Variants in WFDC11 observed in about 807,000 individuals in gnomAD.
WFDC11 encodes the protein protein WFDC11.
A neutral mutation model predicts 9.9 loss-of-function variants in WFDC11; 9 were observed. That is an observed-to-expected ratio of 0.91 (90% confidence interval 0.55 to 1.58). The LOEUF (loss-of-function observed/expected upper bound fraction) is 1.58, where lower values mean the gene tolerates loss of function less well. Among genes scored for constraint, WFDC11 ranks in the 40% most tolerant of loss-of-function variants. The pLI is 0.00. For synonymous variants in WFDC11, 32 were observed against 33.3 expected (o/e 0.96, Z 0.13); for missense variants, 106 against 101.7 (o/e 1.04, Z -0.18).
chr20:45,661,983 C>G (rs533968424), intron 2 of WFDC11, among the ~76,000 whole-genome samples: 1 of 152,242 alleles, frequency 6.6e-6, no homozygotes, highest in East Asian at 1.9e-4. Context: ...ATGTGGATGG[C>G]ATTGAATCTA....
intron 2 of WFDC11, 50 bp from the exon 3 acceptor site, chr20:45,650,701 A>C: frequency 2.0e-6 from 2 of 997,942 alleles, no homozygotes; most frequent in Non-Finnish European, 3.1e-6. Flanking sequence ...AAGCAAGAGA[A>C]AGTGCTTGTC....
Position 45,649,129 on chromosome 20 carries a change from C to T in WFDC11, c.243+128G>A, listed in dbSNP as rs1370191059. ...TGAATTGCTTTCCAAGTTAAAGGGA[C>T]ATTGTCTTCTGTTATTTTTGTACCT... On this transcript the variant is annotated intron_variant, in intron 4 of 4. Coordinates refer to ENST00000324384, the MANE Select transcript of WFDC11 (RefSeq NM_147197.2). The T allele has an allele frequency of 1.1e-5, 12 of 1,133,100 alleles. No individual in the cohort carries two copies. The South Asian group carries it at 1.8e-4, about 17-fold the overall frequency. 70.2% of individuals were successfully genotyped at this position (1,133,100 alleles called of 1,614,324 possible). A position where few individuals can be genotyped will look rare whatever the true frequency, so the allele number is the denominator to read the frequency against.
intron 2 of WFDC11, among the ~76,000 whole-genome samples, chr20:45,665,978 G>T (rs1340736349): frequency 2.0e-5 from 3 of 152,240 alleles, no homozygotes; most frequent in Admixed American, 2.0e-4. Context: ...GGACGTTTAG[G>T]TCTGCAGGAG....
intron 2 of WFDC11, among the ~76,000 whole-genome samples, chr20:45,654,354 G>A (rs1431925469): frequency 6.6e-6 from 1 of 152,122 alleles, no homozygotes. Context: ...CAAAATGAAG[G>A]CAGAAATAAA....
intron 2 of WFDC11, among the ~76,000 whole-genome samples, chr20:45,656,233 CAG>C (rs927922154): frequency 3.4e-5 from 5 of 145,328 alleles, no homozygotes; most frequent in Non-Finnish European, 7.6e-5. Flanking sequence ...TAAAAAAAAA[CAG>C]AGATATAGAC....
chr20:45,664,396 T>C (rs374306143), intron 2 of WFDC11, among the ~76,000 whole-genome samples: 2 of 152,366 alleles, frequency 1.3e-5, no homozygotes. Context: ...CTGCATCTTT[T>C]AATTGGGGCA....
At chr20:45,649,701 G>A (rs988428001) in intron 3 of WFDC11, among the ~76,000 whole-genome samples, 3 of 152,082 alleles carry the variant, frequency 2.0e-5, no homozygotes, top group Non-Finnish European at 2.9e-5. Context: ...CAGTCAACCC[G>A]GAGCATTCAT....
chr20:45,654,451 T>C (rs1354526392), intron 2 of WFDC11, among the ~76,000 whole-genome samples: 1 of 152,200 alleles, frequency 6.6e-6, no homozygotes, highest in African/African-American at 2.4e-5. Flanking sequence ...GGGAAATTTA[T>C]GACACTAAAT....
intron 2 of WFDC11, among the ~76,000 whole-genome samples, chr20:45,652,965 C>A (rs1982844517): frequency 6.6e-6 from 1 of 152,152 alleles, no homozygotes. Context: ...ATTGGTGTAC[C>A]TGAAAGTGAC....
chr20:45,663,495 T>G (rs1983119390), intron 2 of WFDC11, among the ~76,000 whole-genome samples: 1 of 152,210 alleles, frequency 6.6e-6, no homozygotes, highest in Admixed American at 6.5e-5. Flanking sequence ...CTCTTGCTTC[T>G]CTAGTTACTT....
At chr20:45,656,242 A>G (rs1194602043) in intron 2 of WFDC11, among the ~76,000 whole-genome samples, 2 of 152,208 alleles carry the variant, frequency 1.3e-5, no homozygotes, top group African/African-American at 2.4e-5. Flanking sequence ...ACAGAGATAT[A>G]GACGAATGGA....
chr20:45,648,655 A>G lies in WFDC11; in HGVS notation c.*64T>C. On this transcript the variant is annotated 3_prime_UTR_variant, in exon 5 of 5. Transcript: ENST00000324384. The stretch of plus-strand genomic sequence containing the variant: ...TTCCTAAAAGTAGCCACAGGGTACT[A>G]CTATGAGACCTCTTAAACATTTCCC... The G allele has an allele frequency of 1.3e-6, 2 of 1,580,480 alleles. No homozygotes were observed. The highest frequency in any genetic ancestry group is 1.7e-6 in the Non-Finnish European group (2 of 1,150,360).
chr20:45,649,887 C>G (rs931923764), intron 3 of WFDC11, among the ~76,000 whole-genome samples: 15 of 152,028 alleles, frequency 9.9e-5, no homozygotes, highest in African/African-American at 3.6e-4. Flanking sequence ...ATAACTCAGC[C>G]TCTCTTCAAA....
chr20:45,663,746 T>C (rs559831981), intron 2 of WFDC11, among the ~76,000 whole-genome samples: 1 of 152,316 alleles, frequency 6.6e-6, no homozygotes, highest in Non-Finnish European at 1.5e-5. Flanking sequence ...TTTGAGTGAG[T>C]TTCTTAATCT....
chr20:45,658,058 CAT>C (rs1208247004), intron 2 of WFDC11, among the ~76,000 whole-genome samples: 3 of 151,980 alleles, frequency 2.0e-5, no homozygotes, highest in Admixed American at 1.3e-4. Flanking sequence ...ATATAACTGA[CAT>C]ATAAAAAACT....
intron 2 of WFDC11, among the ~76,000 whole-genome samples, chr20:45,651,147 A>G (rs1430957334): frequency 1.3e-5 from 2 of 152,186 alleles, no homozygotes; most frequent in Non-Finnish European, 2.9e-5. Flanking sequence ...GCTCCCACTT[A>G]TAAGTGAGAA....
Position 45,648,590 on chromosome 20 carries a change from T to C in WFDC11, c.*129A>G, listed in dbSNP as rs1056967426. 7.9e-5 allele frequency: 76 copies of C among 960,210 alleles called. No homozygotes were observed. Among genetic ancestry groups the C allele is most frequent in the Non-Finnish European group, 1.2e-4 (73 of 631,590 alleles). The allele number at this position is 960,210 out of a possible 1,614,324, so 59.5% of individuals were successfully genotyped here. A position where few individuals can be genotyped will look rare whatever the true frequency, so the allele number is the denominator to read the frequency against. On this transcript the variant is annotated 3_prime_UTR_variant, in exon 5 of 5. Transcript: ENST00000324384. The stretch of plus-strand genomic sequence containing the variant: ...CTGGTAAATAAGTTTATTTGTCAAG[T>C]GTTTGCTGTTGTCCAGCTCTCAGTA...
chr20:45,651,930 G>C (rs1166098403), intron 2 of WFDC11, among the ~76,000 whole-genome samples: 1 of 152,190 alleles, frequency 6.6e-6, no homozygotes, highest in Non-Finnish European at 1.5e-5. Context: ...GGTAAACAAA[G>C]CAGCCAGGAA....
chr20:45,660,432 T>A (rs1432189290), intron 2 of WFDC11, among the ~76,000 whole-genome samples: 1 of 152,186 alleles, frequency 6.6e-6, no homozygotes, highest in Non-Finnish European at 1.5e-5. Context: ...ATTATTATTA[T>A]ACTTTAAGTT....
Sources: allele counts gnomAD v4.1 joint callset (sites outside exome capture counted in the v4.1 genomes callset), GRCh38; gene constraint gnomAD v4.1.1; transcripts MANE v1.5; gene names NCBI Gene and HGNC (gene_info 2026-07-23, HGNC 2026-07-21).